SCAMP5: variants seen among roughly 807,000 people sequenced by gnomAD.
The protein encoded by SCAMP5 is secretory carrier membrane protein 5.
Under a neutral mutation model 28.3 loss-of-function variants are expected in SCAMP5, and 7 were observed. The observed-to-expected ratio is 0.25, with a 90% CI of 0.14 to 0.46. SCAMP5 has a LOEUF of 0.46. SCAMP5 is among the 20% of genes least tolerant of loss of function. The pLI is 0.99. For synonymous variants in SCAMP5, 117 were observed against 116.4 expected (o/e 1.00, Z -0.03); for missense variants, 192 against 312.5 (o/e 0.61, Z 2.91).
chr15:75,015,140 G>A (rs986246801), intron 3 of SCAMP5, among the ~76,000 whole-genome samples: 3 of 151,734 alleles, frequency 2.0e-5, no homozygotes, highest in Non-Finnish European at 4.4e-5. Context: ...GCACCCGCAG[G>A]TGCTTTACTC....
At chr15:75,006,931 G>A (rs1330850096) in intron 1 of SCAMP5, among the ~76,000 whole-genome samples, 1 of 152,110 alleles carries the variant, frequency 6.6e-6, no homozygotes, top group Admixed American at 6.6e-5. Context: ...AACAGAGCGC[G>A]ACTCTGTCTC....
At chr15:75,005,715 A>C (rs1403665664) in intron 1 of SCAMP5, among the ~76,000 whole-genome samples, 1 of 152,088 alleles carries the variant, frequency 6.6e-6, no homozygotes, top group Non-Finnish European at 1.5e-5. Flanking sequence ...CAGGAGGCAC[A>C]TGATGTTCTT....
intron 1 of SCAMP5, among the ~76,000 whole-genome samples, chr15:75,002,754 C>G (rs1266118567): frequency 6.6e-6 from 1 of 150,968 alleles, no homozygotes; most frequent in East Asian, 1.9e-4. Context: ...TTTTTTTCTG[C>G]TTAACTTTCT....
At position 74,996,644 on chromosome 15, in the gene SCAMP5, G is replaced by A. The variant is rs77128410; in HGVS notation, c.-49+971G>A. 9.6e-4 allele frequency among the ~76,000 whole-genome samples: 146 copies of A among 152,338 alleles called. 1 individual carries two copies. Among genetic ancestry groups the A allele is most frequent in the African/African-American group, 3.4e-3 (141 of 41,568 alleles). Reference sequence around the variant, plus strand: ...AAAACGAGCACAGCTGTTGGGGGCTGAGCCTGGGAGCTCAGCCATGTGACT... The same window carrying A: ...AAAACGAGCACAGCTGTTGGGGGCTAAGCCTGGGAGCTCAGCCATGTGACT... On this transcript the variant is annotated intron_variant, in intron 1 of 6. Coordinates refer to ENST00000425597, the MANE Select transcript of SCAMP5 (RefSeq NM_138967.4). The surrounding 1 kb of genome is among the most constrained non-coding windows in gnomAD (Gnocchi z 4.1).
At chr15:75,012,850 C>T in intron 3 of SCAMP5, 45 bp downstream of exon 3, 1 of 1,607,230 alleles carries the variant, frequency 6.2e-7, no homozygotes. Flanking sequence ...CTGGAGGAGG[C>T]AGGAAGACTG....
intron 1 of SCAMP5, among the ~76,000 whole-genome samples, chr15:75,002,172 A>T (rs953465461): frequency 2.6e-5 from 4 of 151,906 alleles, no homozygotes; most frequent in Admixed American, 2.0e-4. Context: ...ATTGAAGCAG[A>T]CATCCAAGAT....
At chr15:75,011,697 G>C in intron 1 of SCAMP5, 95 bp from the exon 2 acceptor site, 1 of 611,576 alleles carries the variant, frequency 1.6e-6, no homozygotes, top group East Asian at 2.8e-5. Context: ...GCTGGGTCCT[G>C]TCCTGGGGAG....
In SCAMP5 at chr15:75,011,857, G is replaced by T. The variant is rs778431722; in HGVS notation, c.7+11G>T. On this transcript the variant is annotated intron_variant, in intron 2 of 6. Coordinates refer to ENST00000425597, the MANE Select transcript of SCAMP5 (RefSeq NM_138967.4). ...GTAACATCATGGCAGGTAAGGAGAGGGGCAGGCTGTGTGGGTAGGACATGA... is the reference window on the plus strand; with the variant it reads ...GTAACATCATGGCAGGTAAGGAGAGTGGCAGGCTGTGTGGGTAGGACATGA... 2.5e-6 allele frequency: 4 copies of T among 1,611,470 alleles called. No individual in the cohort carries two copies. The African/African-American group carries it at 5.3e-5, about 22-fold the overall frequency.
Position 74,999,000 on chromosome 15 carries a change from CTTG to C in SCAMP5, c.-49+3330_-49+3332del, listed in dbSNP as rs766727639. On this transcript the variant is annotated intron_variant, in intron 1 of 6. Transcript: ENST00000425597. ...TTGTTTTCTCCTCTCCCTCTGCTTC[CTTG>C]TTTTCCTGGAGGTCTTTAGTGCTGG... is the stretch of plus-strand genomic sequence containing the variant. Among the ~76,000 whole-genome samples, 61 of 152,306 alleles carry C rather than the reference CTTG, an allele frequency of 4.0e-4. No homozygotes were observed. The South Asian group carries it at 0.012, about 30-fold the overall frequency.
intron 5 of SCAMP5, 26 bp downstream of exon 5, chr15:75,017,997 GC>G (rs774313402): frequency 2.7e-5 from 40 of 1,458,878 alleles, no homozygotes; most frequent in Non-Finnish European, 3.7e-5. Context: ...GTGGCCTGGG[GC>G]TGGCAGGGGT....
At position 75,018,709 on chromosome 15, in the gene SCAMP5, T is replaced by TA; in HGVS notation, c.514-79dup. The TA allele has an allele frequency of 1.7e-6, 2 of 1,152,248 alleles. No individual in the cohort carries two copies. The highest frequency in any genetic ancestry group is 1.3e-6 in the Non-Finnish European group (1 of 778,174). 71.4% of individuals were successfully genotyped at this position (1,152,248 alleles called of 1,614,324 possible). ...TGGGGAGGGAGCACTGTTTTTTTTTTACAGATGGGTCCCATCTATTTCCTG... is the reference window on the plus strand; with the variant it reads ...TGGGGAGGGAGCACTGTTTTTTTTTTAACAGATGGGTCCCATCTATTTCCTG... On this transcript the variant is annotated intron_variant, in intron 6 of 6. Coordinates refer to ENST00000425597, the MANE Select transcript of SCAMP5 (RefSeq NM_138967.4). The surrounding 1 kb of genome is among the most constrained non-coding windows in gnomAD (Gnocchi z 5.6).
chr15:75,006,079 C>T (rs979175749), intron 1 of SCAMP5, among the ~76,000 whole-genome samples: 3 of 140,028 alleles, frequency 2.1e-5, no homozygotes, highest in African/African-American at 5.3e-5. Context: ...CTCACTGAAA[C>T]CTCCGCCTCC....
intron 4 of SCAMP5, chr15:75,017,658 T>A (rs1006536495): frequency 1.6e-6 from 1 of 606,748 alleles, no homozygotes; most frequent in African/African-American, 1.8e-5. Context: ...TCATGGGAAA[T>A]CCCTCCCTGT....
At chr15:75,014,582 A>C (rs1286755256) in intron 3 of SCAMP5, among the ~76,000 whole-genome samples, 1 of 152,198 alleles carries the variant, frequency 6.6e-6, no homozygotes, top group Non-Finnish European at 1.5e-5. Context: ...AGCAACATTC[A>C]GCTCAGGTAC....
At chr15:75,016,568 T>G (rs756001993) in intron 3 of SCAMP5, 25 bp from the exon 4 acceptor site, 4 of 1,604,578 alleles carry the variant, frequency 2.5e-6, no homozygotes, top group Non-Finnish European at 3.4e-6. Flanking sequence ...TGTCTCTATG[T>G]GTGCATGTGC....
At position 75,020,281 on chromosome 15, in the gene SCAMP5, G is replaced by A. The variant is rs987494077; in HGVS notation, c.*1298G>A. ...GCACGGAGGGAAGGTCAGAGGAGAA[G>A]GCAGGCAGGGCCCAGTGAGAGGGGA... On this transcript the variant is annotated 3_prime_UTR_variant, in exon 7 of 7. Transcript: ENST00000425597. 6.5e-6 allele frequency: 1 copy of A among 153,032 alleles called. No individual in the cohort carries two copies. Among genetic ancestry groups the A allele is most frequent in the Non-Finnish European group, 1.5e-5 (1 of 68,466 alleles). 9.5% of individuals were successfully genotyped at this position (153,032 alleles called of 1,614,324 possible).
At chr15:75,003,908 C>CA (rs1338243825) in intron 1 of SCAMP5, among the ~76,000 whole-genome samples, 1 of 145,806 alleles carries the variant, frequency 6.9e-6, no homozygotes, top group Non-Finnish European at 1.5e-5. Flanking sequence ...TTTATTTTTA[C>CA]TTTTTTTTTT....
chr15:75,018,635 A>G lies in SCAMP5; in HGVS notation c.513+100A>G, dbSNP rs2065879635. The G allele has an allele frequency of 1.9e-6, 2 of 1,058,724 alleles. No individual in the cohort carries two copies. The highest frequency in any genetic ancestry group is 3.4e-5 in the Admixed American group (2 of 58,542). 65.6% of individuals were successfully genotyped at this position (1,058,724 alleles called of 1,614,324 possible). ...TGCAAGAGGATCCCGAGGTCTTCCA[A>G]GGGACTCACTCTGGAATGGCCTGCA... On this transcript the variant is annotated intron_variant, in intron 6 of 6. Coordinates refer to ENST00000425597, the MANE Select transcript of SCAMP5 (RefSeq NM_138967.4). This position sits in a 1 kb window ranked among gnomAD's most constrained non-coding sequence, Gnocchi z 5.6.
chr15:75,000,531 C>T (rs576083345), intron 1 of SCAMP5, among the ~76,000 whole-genome samples: 47 of 152,098 alleles, frequency 3.1e-4, no homozygotes, highest in African/African-American at 1.0e-3. Flanking sequence ...ACTACGGGCC[C>T]GCCACCAAGC....
Sources: gnomAD v4.1 joint callset for allele counts (sites outside exome capture counted in the v4.1 genomes callset) on GRCh38, gnomAD v4.1.1 for gene constraint, Gnocchi (gnomAD v3.1) non-coding constraint, MANE v1.5 for transcripts, NCBI Gene and HGNC (gene_info 2026-07-23, HGNC 2026-07-21) for gene names.